RPAP2: variants seen among roughly 807,000 people sequenced by gnomAD.
RPAP2 encodes RNA polymerase II associated protein 2.
In RPAP2, 52 loss-of-function variants were observed where a neutral mutation model predicts 73.1. The observed-to-expected ratio is 0.71, with a 90% CI of 0.57 to 0.90. The LOEUF (loss-of-function observed/expected upper bound fraction) is 0.90, where lower values mean the gene tolerates loss of function less well. Ranked by LOEUF, RPAP2 falls within the 40% of genes least tolerant of loss-of-function variation. RPAP2 has a pLI of 0.00. For synonymous variants in RPAP2, 225 were observed against 242.1 expected, an observed-to-expected ratio of 0.93 and a Z score of 0.65; for missense variants, 598 against 701.8, an observed-to-expected ratio of 0.85 and a Z score of 1.67.
intron 11 of RPAP2, among the ~76,000 whole-genome samples, chr1:92,378,872 C>A (rs1655500419): frequency 6.6e-6 from 1 of 152,190 alleles, no homozygotes; most frequent in Non-Finnish European, 1.5e-5. Flanking sequence ...CTCATGAAGT[C>A]TGAGAACTTA....
chr1:92,301,135 A>C (rs1172728309), intron 2 of RPAP2, among the ~76,000 whole-genome samples: 2 of 152,230 alleles, frequency 1.3e-5, no homozygotes, highest in East Asian at 3.9e-4. Context: ...GTGCAGTGCA[A>C]AAAGTAGCTT....
In RPAP2 at chr1:92,304,199, T is replaced by C. The variant is rs958315457; in HGVS notation, c.334-85T>C. 3 of 1,117,930 alleles carry C rather than the reference T, an allele frequency of 2.7e-6. No homozygotes were observed. The African/African-American group carries it at 4.7e-5, about 17-fold the overall frequency. 69.3% of individuals were successfully genotyped at this position (1,117,930 alleles called of 1,614,324 possible). A position where few individuals can be genotyped will look rare whatever the true frequency, so the allele number is the denominator to read the frequency against. ...TAAAGGCATGGATTGGCCAATGATA[T>C]GATATGTAGATGACTTAATCTTGTA... On this transcript the variant is annotated intron_variant, in intron 4 of 12. Coordinates refer to ENST00000610020, the MANE Select transcript of RPAP2 (RefSeq NM_024813.3).
chr1:92,365,837 C>T (rs767761555), intron 11 of RPAP2, among the ~76,000 whole-genome samples: 7 of 152,106 alleles, frequency 4.6e-5, no homozygotes, highest in Non-Finnish European at 7.3e-5. Context: ...TGTGGTCTAG[C>T]GGTTAGAAGT....
intron 10 of RPAP2, 42 bp downstream of exon 10, chr1:92,336,469 C>T: frequency 1.5e-6 from 2 of 1,366,334 alleles, no homozygotes; most frequent in South Asian, 2.4e-5. Context: ...ATTATTTTGA[C>T]TTTATTTATT....
intron 11 of RPAP2, among the ~76,000 whole-genome samples, chr1:92,354,598 A>C (rs1654371087): frequency 6.6e-6 from 1 of 152,238 alleles, no homozygotes; most frequent in Non-Finnish European, 1.5e-5. Context: ...CTAAAGCATT[A>C]AATGCAAACA....
chr1:92,323,866 G>A lies in RPAP2; in HGVS notation c.946G>A (p.Glu316Lys). ...AAGATTAAAAGCGTCAGAAAATTCT[G>A]AAAGTGAATACAGTAGGTCAGAAAT... ...PERLKASENS[E>K]SEYSRSEITL... is the part of the protein sequence containing the mutation. The change falls in exon 8 of 13, where the codon GAA becomes AAA. Residue 316 changes from glutamate (E) to lysine (K), a missense_variant. By Grantham distance (56) the Glu-to-Lys change is moderately conservative. This residue lies in a region of RPAP2 where 506 missense variants were observed against 612.8 expected (regional missense o/e 0.83). Transcript: ENST00000610020. 2 of 1,613,952 alleles carry A rather than the reference G, an allele frequency of 1.2e-6. No individual in the cohort carries two copies. Among genetic ancestry groups the A allele is most frequent in the Non-Finnish European group, 1.7e-6 (2 of 1,179,954 alleles).
intron 11 of RPAP2, among the ~76,000 whole-genome samples, chr1:92,357,336 A>G (rs1446936289): frequency 2.6e-5 from 4 of 152,200 alleles, no homozygotes; most frequent in African/African-American, 9.7e-5. Flanking sequence ...GGATTCATAG[A>G]AGTAAAAGAT....
Position 92,323,850 on chromosome 1 carries a change from A to C in RPAP2, c.930A>C (p.Lys310Asn). Residue 310 changes from lysine (K) to asparagine (N), a missense_variant, in exon 8 of 13, where the codon AAA becomes AAC. Lys to Asn is a moderately conservative substitution (Grantham distance 94, BLOSUM62 0). This residue lies in a region of RPAP2 where 506 missense variants were observed against 612.8 expected (regional missense o/e 0.83). Coordinates refer to ENST00000610020, the MANE Select transcript of RPAP2 (RefSeq NM_024813.3). ...SSNSTLPERL[K>N]ASENSESEYS... The stretch of plus-strand genomic sequence containing the variant: ...ATAGCACTTTGCCTGAAAGATTAAA[A>C]GCGTCAGAAAATTCTGAAAGTGAAT... The C allele has an allele frequency of 6.2e-7, 1 of 1,614,044 alleles. No homozygotes were observed.
chr1:92,373,432 C>T (rs537025940), intron 11 of RPAP2, among the ~76,000 whole-genome samples: 2 of 152,234 alleles, frequency 1.3e-5, no homozygotes, highest in African/African-American at 4.8e-5. Flanking sequence ...TACTAAGCAT[C>T]CTCCATCCGT....
rs1656232839 is a variant in RPAP2 at position 92,398,223 on chromosome 1, T to C, written c.*11212T>C. The C allele has an allele frequency of 3.3e-5, 5 of 152,214 alleles. No individual in the cohort carries two copies. In the South Asian group the frequency reaches 1.0e-3, roughly 32 times the overall value. 9.4% of individuals were successfully genotyped at this position (152,214 alleles called of 1,614,324 possible). A position where few individuals can be genotyped will look rare whatever the true frequency, so the allele number is the denominator to read the frequency against. On this transcript the variant is annotated 3_prime_UTR_variant, in exon 13 of 13. Transcript: ENST00000610020. ...CACAAAGGATAAGTGCTTAAGATGA[T>C]GGAAACCCTATTTATCCTGATGTGA...
chr1:92,318,553 A>AC (rs1055805503), intron 6 of RPAP2, among the ~76,000 whole-genome samples: 1 of 152,032 alleles, frequency 6.6e-6, no homozygotes, highest in African/African-American at 2.4e-5. Context: ...TCGACCACCA[A>AC]CCATAGTAGA....
intron 6 of RPAP2, among the ~76,000 whole-genome samples, chr1:92,311,400 A>G (rs954931449): frequency 1.3e-5 from 2 of 152,256 alleles, no homozygotes; most frequent in African/African-American, 4.8e-5. Context: ...AGAGAAACTT[A>G]TACTACCTTG....
rs1047075734 is a variant in RPAP2 at position 92,387,202 on chromosome 1, G to C, written c.*191G>C. On this transcript the variant is annotated 3_prime_UTR_variant, in exon 13 of 13. Coordinates refer to ENST00000610020, the MANE Select transcript of RPAP2 (RefSeq NM_024813.3). ...CAGAGGATGACCTCCCCAGATAGAG[G>C]AGAATCATTACTCCAACAAGAATAA... 21 of 424,264 alleles carry C rather than the reference G, an allele frequency of 4.9e-5. No individual in the cohort carries two copies. The East Asian group carries it at 7.3e-4, about 15-fold the overall frequency. The allele number at this position is 424,264 out of a possible 1,614,324, so 26.3% of individuals were successfully genotyped here.
At chr1:92,306,372 T>C (rs540896759) in intron 5 of RPAP2, among the ~76,000 whole-genome samples, 1 of 152,310 alleles carries the variant, frequency 6.6e-6, no homozygotes, top group South Asian at 2.1e-4. Flanking sequence ...TTAGATTATG[T>C]ATATTTTACC....
intron 5 of RPAP2, among the ~76,000 whole-genome samples, chr1:92,305,503 T>C (rs1651168049): frequency 7.2e-6 from 1 of 139,696 alleles, no homozygotes; most frequent in Non-Finnish European, 1.5e-5. Context: ...TAAAATAAGA[T>C]GGAAAATTAT....
chr1:92,299,153 G>T lies in RPAP2; in HGVS notation c.73+7G>T. 1 of 1,498,398 alleles carries T rather than the reference G, an allele frequency of 6.7e-7. No individual in the cohort carries two copies. Among genetic ancestry groups the T allele is most frequent in the Non-Finnish European group, 9.0e-7 (1 of 1,116,486 alleles). The allele number at this position is 1,498,398 out of a possible 1,614,324, so 92.8% of individuals were successfully genotyped here. A position where few individuals can be genotyped will look rare whatever the true frequency, so the allele number is the denominator to read the frequency against. ...TGCTCTCGAAAAGCCGCAGGTAGGA[G>T]CAAGGATCTCTTCCCACTTTTGGAC... On this transcript the variant is annotated splice_region_variant and intron_variant, in intron 1 of 12. Coordinates refer to ENST00000610020, the MANE Select transcript of RPAP2 (RefSeq NM_024813.3).
intron 12 of RPAP2, among the ~76,000 whole-genome samples, chr1:92,386,435 G>A (rs1377653869): frequency 6.6e-6 from 1 of 152,160 alleles, no homozygotes; most frequent in African/African-American, 2.4e-5. Context: ...GGAATGCTGT[G>A]AGCTAACGAA....
chr1:92,309,521 G>C (rs1651452666), intron 6 of RPAP2, among the ~76,000 whole-genome samples: 1 of 151,492 alleles, frequency 6.6e-6, no homozygotes, highest in Non-Finnish European at 1.5e-5. Context: ...TAAGTGCTTA[G>C]TACCTGGCAG....
At chr1:92,328,077 G>A (rs558326082) in intron 8 of RPAP2, among the ~76,000 whole-genome samples, 2 of 152,254 alleles carry the variant, frequency 1.3e-5, no homozygotes, top group Admixed American at 1.3e-4. Context: ...TTGCCTCACT[G>A]CTCTTAAGAT....
Sources: gnomAD v4.1 joint callset for allele counts (sites outside exome capture counted in the v4.1 genomes callset) on GRCh38, gnomAD v4.1.1 for gene constraint, gnomAD v4.1.1 regional missense constraint, MANE v1.5 for transcripts, NCBI Gene and HGNC (gene_info 2026-07-23, HGNC 2026-07-21) for gene names.